ARSF: variants seen among roughly 807,000 people sequenced by gnomAD.
The protein encoded by ARSF is arylsulfatase F.
ARSF carries 33 observed loss-of-function variants against 35.4 expected under a neutral mutation model. That is an observed-to-expected ratio of 0.93 (90% CI 0.71 to 1.25). The LOEUF (loss-of-function observed/expected upper bound fraction) is 1.25, where lower values mean the gene tolerates loss of function less well. Among genes scored for constraint, ARSF ranks in the 50% most tolerant of loss-of-function variants. The pLI, the probability that ARSF is intolerant of heterozygous loss-of-function variation, is 0.00. For synonymous variants in ARSF, 222 were observed against 193.1 expected (o/e 1.15, Z -1.24); for missense variants, 501 against 480.2 (o/e 1.04, Z -0.40).
chrX:3,087,498 G>A lies in ARSF; in HGVS notation c.831-1998G>A, dbSNP rs192602909. Among the ~76,000 whole-genome samples, 562 of 111,177 alleles carry A rather than the reference G, an allele frequency of 5.1e-3. 4 individuals carry two copies. Among genetic ancestry groups the A allele is most frequent in the Non-Finnish European group, 8.5e-3 (453 of 53,007 alleles). ...GTCTCTTATAACGACAATAGTCATT[G>A]GATTTAGTGCCCATCCTAATTCCAG... On this transcript the variant is annotated intron_variant, in intron 6 of 10. Coordinates refer to ENST00000381127, the MANE Select transcript of ARSF (RefSeq NM_001201539.2).
chrX:3,078,687 A>G (rs767451810), intron 4 of ARSF, among the ~76,000 whole-genome samples: 1 of 110,453 alleles, frequency 9.1e-6, no homozygotes, highest in Admixed American at 9.7e-5. Flanking sequence ...TTTGGTAGAG[A>G]TGGGGTCTCA....
intron 5 of ARSF, among the ~76,000 whole-genome samples, chrX:3,083,181 A>G (rs1334415291): frequency 3.6e-5 from 4 of 110,890 alleles, no homozygotes; most frequent in Non-Finnish European, 5.7e-5. Context: ...CCACTTACAC[A>G]TACATACATG....
chrX:3,107,811 T>C (rs1257138695), intron 9 of ARSF, among the ~76,000 whole-genome samples: 1 of 112,034 alleles, frequency 8.9e-6, no homozygotes, highest in Non-Finnish European at 1.9e-5. Flanking sequence ...GCAGAAGTTT[T>C]ACATTTTGAT....
At chrX:3,091,372 A>C (rs2090288663) in intron 7 of ARSF, among the ~76,000 whole-genome samples, 2 of 112,809 alleles carry the variant, frequency 1.8e-5, no homozygotes, top group African/African-American at 3.2e-5. Flanking sequence ...CATCCTGTAG[A>C]GAGAACAATG....
intron 1 of ARSF, among the ~76,000 whole-genome samples, chrX:3,050,791 G>C (rs1217428139): frequency 9.0e-6 from 1 of 110,795 alleles, no homozygotes; most frequent in African/African-American, 3.3e-5. Context: ...GTGTTTACTG[G>C]AGTTGGACGC....
intron 8 of ARSF, among the ~76,000 whole-genome samples, chrX:3,102,886 T>TG (rs1263899803): frequency 3.6e-4 from 39 of 108,830 alleles, no homozygotes; most frequent in South Asian, 1.2e-3. Flanking sequence ...CACTCCAGCC[T>TG]GGCAACAGAG....
intron 1 of ARSF, chrX:3,066,913 T>C (rs1240934961): frequency 4.1e-4 from 5 of 12,082 alleles, no homozygotes; most frequent in Non-Finnish European, 5.6e-4. Flanking sequence ...TTTCTCAGCC[T>C]TTTTTTTTTT....
At chrX:3,077,564 G>A (rs900261462) in intron 4 of ARSF, among the ~76,000 whole-genome samples, 16 of 108,320 alleles carry the variant, frequency 1.5e-4, no homozygotes, top group Admixed American at 5.0e-4. Flanking sequence ...GCTTGAACCC[G>A]GGAGGCAGAG....
At chrX:3,065,669 T>C (rs758202066) in intron 1 of ARSF, among the ~76,000 whole-genome samples, 1 of 109,291 alleles carries the variant, frequency 9.1e-6, no homozygotes, top group East Asian at 2.9e-4. Flanking sequence ...GCCCTTTATA[T>C]GTAAATTTTC....
chrX:3,059,708 C>T (rs890748545), intron 1 of ARSF, among the ~76,000 whole-genome samples: 3 of 112,646 alleles, frequency 2.7e-5, no homozygotes, highest in Admixed American at 9.4e-5. Context: ...TGAGATTGAA[C>T]TGTGAGGCAG....
intron 1 of ARSF, among the ~76,000 whole-genome samples, chrX:3,052,767 C>A (rs2090001909): frequency 9.0e-6 from 1 of 110,854 alleles, no homozygotes; most frequent in Admixed American, 9.7e-5. Context: ...ATTGCAGCTA[C>A]CTTTTTTTAT....
intron 4 of ARSF, among the ~76,000 whole-genome samples, chrX:3,078,961 G>A (rs747228947): frequency 3.6e-5 from 4 of 109,871 alleles, no homozygotes; most frequent in Non-Finnish European, 5.7e-5. Flanking sequence ...CGCAGCCCCC[G>A]GTCACCAAGA....
chrX:3,057,914 T>C (rs2090025408), intron 1 of ARSF, among the ~76,000 whole-genome samples: 1 of 111,418 alleles, frequency 9.0e-6, no homozygotes, highest in South Asian at 3.8e-4. Flanking sequence ...TCTGAACAAT[T>C]TGGGTGAAGT....
intron 6 of ARSF, among the ~76,000 whole-genome samples, chrX:3,085,903 A>G (rs905940380): frequency 9.0e-6 from 1 of 110,973 alleles, no homozygotes; most frequent in Non-Finnish European, 1.9e-5. Context: ...TACTAAAAAT[A>G]CATATTAGCT....
chrX:3,060,507 A>C (rs1387192508), intron 1 of ARSF, among the ~76,000 whole-genome samples: 1 of 111,822 alleles, frequency 8.9e-6, no homozygotes, highest in East Asian at 2.8e-4. Flanking sequence ...CGGTAATAAC[A>C]AACTTCTCCG....
At chrX:3,092,434 C>T (rs1181809224) in intron 7 of ARSF, among the ~76,000 whole-genome samples, 3 of 111,718 alleles carry the variant, frequency 2.7e-5, no homozygotes, top group Non-Finnish European at 5.6e-5. Context: ...ATTAACAAAG[C>T]TCCCAAAGTA....
At chrX:3,112,115 T>C (rs1312561349) in intron 10 of ARSF, 59 bp from the exon 11 acceptor site, 1 of 1,046,987 alleles carries the variant, frequency 9.6e-7, no homozygotes, top group Non-Finnish European at 1.3e-6. Context: ...CACTAGGACT[T>C]CTTCCTTTGA....
At position 3,058,289 on chromosome X, in the gene ARSF, T is replaced by TG. The variant is rs199649006; in HGVS notation, c.-28-9784_-28-9783insG. On this transcript the variant is annotated intron_variant, in intron 1 of 10. Transcript: ENST00000381127. ...CTATTCAGACATGTGATTCCACCACTATCAGCACGAGAGTTTTGACCTGCT... is the reference window on the plus strand; with the variant it reads ...CTATTCAGACATGTGATTCCACCACTGATCAGCACGAGAGTTTTGACCTGCT... 9.0e-3 allele frequency: 1,043 copies of TG among 115,418 alleles called. 15 individuals are homozygous for TG. The highest frequency in any genetic ancestry group is 0.032 in the African/African-American group (989 of 30,770). The allele number at this position is 115,418 out of a possible 1,213,427, so 9.5% of individuals were successfully genotyped here. A position where few individuals can be genotyped will look rare whatever the true frequency, so the allele number is the denominator to read the frequency against.
chrX:3,095,008 G>C (rs946542206), intron 7 of ARSF, among the ~76,000 whole-genome samples: 1 of 107,585 alleles, frequency 9.3e-6, no homozygotes, highest in South Asian at 4.0e-4. Flanking sequence ...AGAAAGGTAC[G>C]AATCATTTCC....
Sources: allele counts gnomAD v4.1 joint callset (sites outside exome capture counted in the v4.1 genomes callset), GRCh38; gene constraint gnomAD v4.1.1; transcripts MANE v1.5; gene names NCBI Gene and HGNC (gene_info 2026-07-23, HGNC 2026-07-21).